SPATS2: variants seen among roughly 807,000 people sequenced by gnomAD.
SPATS2 encodes the protein spermatogenesis associated serine rich 2, also known as spermatogenesis-associated serine-rich protein 2.
A neutral mutation model predicts 63.7 loss-of-function variants in SPATS2; 38 were observed. The ratio of observed to expected loss-of-function variants is 0.60; its 90% CI spans 0.46 to 0.78. SPATS2 has a LOEUF of 0.78. SPATS2 is among the 30% of genes least tolerant of loss of function. SPATS2 has a pLI of 0.00. For synonymous variants in SPATS2, 207 were observed against 232.9 expected (o/e 0.89, Z 1.01); for missense variants, 588 against 666.2 (o/e 0.88, Z 1.29).
In SPATS2 at chr12:49,475,937, C is replaced by T. The variant is rs539777255; in HGVS notation, c.26-8653C>T. The stretch of plus-strand genomic sequence containing the variant: ...AGTATAGTACTAATGATAGGGAAGT[C>T]GGGAAGGGAAGTGCTGGGAAGGGAA... On this transcript the variant is annotated intron_variant, in intron 3 of 13. Transcript: ENST00000552918. Among the ~76,000 whole-genome samples the T allele has an allele frequency of 1.2e-4, 19 of 152,030 alleles. 1 individual carries two copies. Among genetic ancestry groups the T allele is most frequent in the Middle Eastern group, 6.8e-3 (2 of 294 alleles).
intron 7 of SPATS2, among the ~76,000 whole-genome samples, chr12:49,496,051 G>C (rs1025048654): frequency 6.6e-6 from 1 of 152,046 alleles, no homozygotes. Flanking sequence ...GCTGCTCCTG[G>C]CTTTAGAAGT....
Position 49,395,072 on chromosome 12 carries a change from C to T in SPATS2, c.-244+23782C>T, listed in dbSNP as rs373897432. Among the ~76,000 whole-genome samples, 191 of 152,148 alleles carry T rather than the reference C, an allele frequency of 1.3e-3. 8 individuals are homozygous for T. In the South Asian group the frequency reaches 0.039, roughly 31 times the overall value. On this transcript the variant is annotated intron_variant, in intron 2 of 13. Transcript: ENST00000552918. ...TGGGCAATAGAGCGAGACTCTGTCTCGGGGGATAAAAAAAGACAATTTTAT... is the reference window on the plus strand; with the variant it reads ...TGGGCAATAGAGCGAGACTCTGTCTTGGGGGATAAAAAAAGACAATTTTAT...
intron 2 of SPATS2, among the ~76,000 whole-genome samples, chr12:49,378,598 A>AT (rs888764717): frequency 6.6e-6 from 1 of 151,280 alleles, no homozygotes; most frequent in Non-Finnish European, 1.5e-5. Flanking sequence ...CGCCCGGCCA[A>AT]TTTTATTTTT....
intron 2 of SPATS2, among the ~76,000 whole-genome samples, chr12:49,446,973 G>A (rs1457985804): frequency 6.6e-6 from 1 of 150,944 alleles, no homozygotes; most frequent in Non-Finnish European, 1.5e-5. Flanking sequence ...CTGTCGCCCA[G>A]GCTGGGGTGC....
At chr12:49,501,839 G>A (rs140706664) in intron 9 of SPATS2, among the ~76,000 whole-genome samples, 2,093 of 152,162 alleles carry the variant, frequency 0.014, 45 homozygotes, top group African/African-American at 0.047. Context: ...GGCCGGTCTC[G>A]AACTCCTGAC....
chr12:49,402,344 G>C (rs189550771), intron 2 of SPATS2, among the ~76,000 whole-genome samples: 1 of 152,310 alleles, frequency 6.6e-6, no homozygotes, highest in African/African-American at 2.4e-5. Context: ...AAATGAGGAT[G>C]TAAGAGGGGA....
At chr12:49,390,273 A>G (rs141473522) in intron 2 of SPATS2, 15 of 612,430 alleles carry the variant, frequency 2.4e-5, no homozygotes, top group African/African-American at 3.7e-5. Flanking sequence ...TTAAATATGT[A>G]CAGTGTACTG....
chr12:49,454,879 T>C (rs1945690730), intron 2 of SPATS2, among the ~76,000 whole-genome samples: 1 of 147,352 alleles, frequency 6.8e-6, no homozygotes, highest in African/African-American at 2.6e-5. Flanking sequence ...GGCTCTGTCT[T>C]TAAAAAAAAA....
chr12:49,385,357 AGT>A (rs57896651), intron 2 of SPATS2, among the ~76,000 whole-genome samples: 2,091 of 141,946 alleles, frequency 0.015, 15 homozygotes, highest in Middle Eastern at 0.021. Context: ...TAAGTATATA[AGT>A]GTGTGTGTGT....
chr12:49,484,696 AC>A, intron 4 of SPATS2, 27 bp downstream of exon 4: 2 of 1,605,432 alleles, frequency 1.2e-6, no homozygotes, highest in Non-Finnish European at 1.7e-6. Context: ...TGGATAGTAA[AC>A]TTAAATGTCA....
intron 3 of SPATS2, among the ~76,000 whole-genome samples, chr12:49,473,150 C>T (rs1351407524): frequency 1.3e-5 from 2 of 151,910 alleles, no homozygotes; most frequent in Admixed American, 6.6e-5. Context: ...CATGGTGGCT[C>T]ATGCCTATAA....
intron 2 of SPATS2, among the ~76,000 whole-genome samples, chr12:49,433,269 T>C (rs977000333): frequency 6.6e-6 from 1 of 152,136 alleles, no homozygotes; most frequent in Non-Finnish European, 1.5e-5. Context: ...TTCAAGCGAT[T>C]CTCCTGCTTC....
intron 3 of SPATS2, among the ~76,000 whole-genome samples, chr12:49,464,627 TAAA>T (rs562743662): frequency 3.1e-4 from 33 of 107,264 alleles, no homozygotes; most frequent in Non-Finnish European, 5.8e-4. Flanking sequence ...AACTCCATCT[TAAA>T]AAAAAAAAAA....
chr12:49,446,985 A>G (rs978154925), intron 2 of SPATS2, among the ~76,000 whole-genome samples: 9 of 151,082 alleles, frequency 6.0e-5, no homozygotes, highest in Admixed American at 2.6e-4. Context: ...CTGGGGTGCA[A>G]TGGCACGATC....
chr12:49,506,509 CT>C, intron 9 of SPATS2, among the ~76,000 whole-genome samples: 1 of 152,144 alleles, frequency 6.6e-6, no homozygotes, highest in East Asian at 1.9e-4. Flanking sequence ...GGAACCACCC[CT>C]ATGATTCAGT....
chr12:49,505,969 G>A (rs993346531), intron 9 of SPATS2, among the ~76,000 whole-genome samples: 11 of 152,116 alleles, frequency 7.2e-5, no homozygotes, highest in African/African-American at 2.2e-4. Context: ...TGGTATGAAA[G>A]TGATACACAT....
Position 49,407,051 on chromosome 12 carries a change from A to G in SPATS2, c.-244+35761A>G, listed in dbSNP as rs1944710018. The stretch of plus-strand genomic sequence containing the variant: ...TCATCCCCATTTCAGTAAATAGACT[A>G]TCCTTCCATTTACTTGGGACAAAAA... On this transcript the variant is annotated intron_variant, in intron 2 of 13. Coordinates refer to ENST00000552918, the MANE Select transcript of SPATS2 (RefSeq NM_023071.4). Among the ~76,000 whole-genome samples the G allele has an allele frequency of 2.0e-5, 3 of 152,298 alleles. No individual in the cohort carries two copies. In the South Asian group the frequency reaches 6.2e-4, roughly 32 times the overall value.
intron 2 of SPATS2, among the ~76,000 whole-genome samples, chr12:49,411,210 A>G (rs930781635): frequency 6.6e-6 from 1 of 152,128 alleles, no homozygotes; most frequent in Non-Finnish European, 1.5e-5. Flanking sequence ...GTAGTAATAG[A>G]AAAGTTTATT....
At position 49,462,282 on chromosome 12, in the gene SPATS2, A is replaced by C. The variant is rs887044427; in HGVS notation, c.25+1245A>C. On this transcript the variant is annotated intron_variant, in intron 3 of 13. Coordinates refer to ENST00000552918, the MANE Select transcript of SPATS2 (RefSeq NM_023071.4). ...TCTCTCAACTCCTCACAGGAAGGAGAGCGCGAGTGAACAAGGAAGGAACTG... is the reference window on the plus strand; with the variant it reads ...TCTCTCAACTCCTCACAGGAAGGAGCGCGCGAGTGAACAAGGAAGGAACTG... 5 of 702,144 alleles carry C rather than the reference A, an allele frequency of 7.1e-6. No individual in the cohort carries two copies. The African/African-American group carries it at 8.7e-5, about 12-fold the overall frequency. The allele number at this position is 702,144 out of a possible 1,614,324, so 43.5% of individuals were successfully genotyped here.
Sources: gnomAD v4.1 joint callset for allele counts (sites outside exome capture counted in the v4.1 genomes callset) on GRCh38, gnomAD v4.1.1 for gene constraint, MANE v1.5 for transcripts, NCBI Gene and HGNC (gene_info 2026-07-23, HGNC 2026-07-21) for gene names.